Variants in TOX2 observed in about 807,000 individuals in gnomAD.
The protein encoded by TOX2 is TOX high mobility group box family member 2.
Under a neutral mutation model 47.4 loss-of-function variants are expected in TOX2, and 15 were observed. The ratio of observed to expected loss-of-function variants is 0.32; its 90% confidence interval spans 0.21 to 0.49. The LOEUF (loss-of-function observed/expected upper bound fraction) is 0.49, where lower values mean the gene tolerates loss of function less well. Among genes scored for constraint, TOX2 ranks in the 20% least tolerant of loss-of-function variants. The probability of loss-of-function intolerance (pLI) is 0.99; values close to 1 mark genes in which losing one functional copy is unlikely to be tolerated. For synonymous variants in TOX2, 290 were observed against 296.6 expected (o/e 0.98, Z 0.23); for missense variants, 622 against 673.1 (o/e 0.92, Z 0.84).
At chr20:44,038,310 C>T (rs1429872133) in intron 3 of TOX2, among the ~76,000 whole-genome samples, 1 of 152,112 alleles carries the variant, frequency 6.6e-6, no homozygotes. Flanking sequence ...GTGGGAGGAT[C>T]GCCTGAGCCT....
chr20:43,977,955 A>C (rs1225446622), intron 2 of TOX2, among the ~76,000 whole-genome samples: 1 of 152,174 alleles, frequency 6.6e-6, no homozygotes, highest in East Asian at 1.9e-4. Context: ...ACCTGGATTC[A>C]AATTCCAGCT....
At chr20:43,939,022 G>T (rs542101620) in intron 1 of TOX2, among the ~76,000 whole-genome samples, 1 of 152,156 alleles carries the variant, frequency 6.6e-6, no homozygotes, top group Non-Finnish European at 1.5e-5. Context: ...TCCTGGAGTC[G>T]CTGGCTTCAC....
intron 3 of TOX2, among the ~76,000 whole-genome samples, chr20:44,022,063 C>T (rs1320310134): frequency 6.6e-6 from 1 of 152,244 alleles, no homozygotes; most frequent in East Asian, 1.9e-4. Context: ...GTCACCCACA[C>T]ATGCGTCCAC....
intron 1 of TOX2, among the ~76,000 whole-genome samples, 165 bp from the exon 2 acceptor site, chr20:43,973,202 G>T (rs1368118491): frequency 1.3e-5 from 2 of 152,232 alleles, no homozygotes; most frequent in African/African-American, 4.8e-5. Flanking sequence ...CACCCTAGAG[G>T]TAGCCCTGCT....
chr20:44,022,031 C>G (rs1403396976), intron 3 of TOX2, among the ~76,000 whole-genome samples: 1 of 152,202 alleles, frequency 6.6e-6, no homozygotes, highest in Non-Finnish European at 1.5e-5. Flanking sequence ...TCACTTTGCC[C>G]TTAGCACGTG....
At chr20:43,974,916 C>T (rs2070049683) in intron 2 of TOX2, among the ~76,000 whole-genome samples, 2 of 152,238 alleles carry the variant, frequency 1.3e-5, no homozygotes, top group Admixed American at 1.3e-4. Context: ...GCTGCTGCTG[C>T]AAAGCTGCCT....
At chr20:43,938,635 T>C (rs1347337271) in intron 1 of TOX2, among the ~76,000 whole-genome samples, 1 of 152,162 alleles carries the variant, frequency 6.6e-6, no homozygotes, top group Non-Finnish European at 1.5e-5. Context: ...TATCCCACTT[T>C]ACGGAGAGCC....
At chr20:44,014,671 A>G (rs2070844321) in intron 3 of TOX2, among the ~76,000 whole-genome samples, 1 of 152,182 alleles carries the variant, frequency 6.6e-6, no homozygotes, top group Non-Finnish European at 1.5e-5. Context: ...GAGTTTATAA[A>G]GAGTCAGCGA....
intron 1 of TOX2, among the ~76,000 whole-genome samples, chr20:43,934,683 C>T (rs1313020411): frequency 3.3e-5 from 5 of 152,056 alleles, no homozygotes. Flanking sequence ...TTGGGGCAGG[C>T]GTGATGGTGC....
chr20:43,928,997 A>AAAAAAAAAAAAC (rs540054093), intron 1 of TOX2, among the ~76,000 whole-genome samples: 8 of 149,672 alleles, frequency 5.3e-5, no homozygotes, highest in East Asian at 1.9e-4. Flanking sequence ...AAAAAAAAAA[A>AAAAAAAAAAAAC]AACAACAACA....
chr20:44,037,751 C>T (rs2071264194), intron 3 of TOX2, among the ~76,000 whole-genome samples: 1 of 152,112 alleles, frequency 6.6e-6, no homozygotes, highest in Admixed American at 6.5e-5. Context: ...GAAAGTGCTA[C>T]TCTTTTAAAT....
chr20:44,067,432 C>G (rs1175750159), intron 8 of TOX2, among the ~76,000 whole-genome samples: 2 of 152,118 alleles, frequency 1.3e-5, no homozygotes, highest in African/African-American at 4.8e-5. Flanking sequence ...GTGGGCTGCC[C>G]CGGGGTGAGT....
intron 3 of TOX2, among the ~76,000 whole-genome samples, chr20:44,039,485 AG>A (rs1287504464): frequency 1.3e-5 from 2 of 152,164 alleles, no homozygotes; most frequent in East Asian, 3.9e-4. Flanking sequence ...TGGACTCAGG[AG>A]GCCATGCTGG....
chr20:43,918,584 C>T (rs1229530128), intron 1 of TOX2, among the ~76,000 whole-genome samples: 1 of 152,180 alleles, frequency 6.6e-6, no homozygotes, highest in Non-Finnish European at 1.5e-5. Context: ...ACTTGATATG[C>T]AGCATAAACA....
chr20:44,053,453 C>T (rs1427295611), intron 4 of TOX2, among the ~76,000 whole-genome samples: 12 of 146,340 alleles, frequency 8.2e-5, no homozygotes, highest in African/African-American at 2.7e-4. Flanking sequence ...CACACACACA[C>T]ACACACACAC....
intron 3 of TOX2, among the ~76,000 whole-genome samples, chr20:44,031,184 G>A (rs903345871): frequency 2.0e-5 from 3 of 152,144 alleles, no homozygotes; most frequent in Non-Finnish European, 4.4e-5. Flanking sequence ...GAAGGTGGGC[G>A]AATGGGCATT....
intron 2 of TOX2, among the ~76,000 whole-genome samples, chr20:43,977,561 C>A (rs971240255): frequency 6.6e-6 from 1 of 152,120 alleles, no homozygotes; most frequent in African/African-American, 2.4e-5. Context: ...CTTTCACCGC[C>A]GCTCTACGGG....
intron 2 of TOX2, among the ~76,000 whole-genome samples, chr20:43,985,473 T>C (rs2070247407): frequency 6.6e-6 from 1 of 152,188 alleles, no homozygotes; most frequent in Admixed American, 6.5e-5. Flanking sequence ...TCTTGACACA[T>C]GTGGCTGGGG....
At chr20:44,036,099 G>T (rs1320065713) in intron 3 of TOX2, among the ~76,000 whole-genome samples, 1 of 152,248 alleles carries the variant, frequency 6.6e-6, no homozygotes, top group Admixed American at 6.5e-5. Context: ...CCTGGAGAGG[G>T]TTGCAGCTGC....
Sources: gnomAD v4.1 joint callset for allele counts (sites outside exome capture counted in the v4.1 genomes callset) on GRCh38, gnomAD v4.1.1 for gene constraint, MANE v1.5 for transcripts, NCBI Gene and HGNC (gene_info 2026-07-23, HGNC 2026-07-21) for gene names.